PIEZO2: variants seen among roughly 807,000 people sequenced by gnomAD.
The protein encoded by PIEZO2 is piezo type mechanosensitive ion channel component 2.
A neutral mutation model predicts 337.3 loss-of-function variants in PIEZO2; 172 were observed. That is an observed-to-expected ratio of 0.51 (90% confidence interval 0.45 to 0.58). The LOEUF is 0.58. Ranked by LOEUF, PIEZO2 falls within the 20% of genes least tolerant of loss-of-function variation. The probability of loss-of-function intolerance (pLI) is 0.00; values close to 1 mark genes in which losing one functional copy is unlikely to be tolerated. For missense variants in PIEZO2, 3,028 were observed against 3,391.3 expected, an observed-to-expected ratio of 0.89 and a Z score of 2.66; for synonymous variants, 1,251 against 1,228.5, an observed-to-expected ratio of 1.02 and a Z score of -0.38.
chr18:10,918,453 A>G (rs1022629699), intron 3 of PIEZO2, among the ~76,000 whole-genome samples: 1 of 152,012 alleles, frequency 6.6e-6, no homozygotes, highest in African/African-American at 2.4e-5. Flanking sequence ...TTTTTATCCC[A>G]TGTATCCTTT....
At position 11,069,313 on chromosome 18, in the gene PIEZO2, T is replaced by G. The variant is rs906137962; in HGVS notation, c.65-3091A>C. Among the ~76,000 whole-genome samples the G allele has an allele frequency of 6.6e-6, 1 of 152,142 alleles. No homozygotes were observed. The highest frequency in any genetic ancestry group is 1.5e-5 in the Non-Finnish European group (1 of 68,024). ...AAGCAAACCCCACTCGGCAATGCAT[T>G]AAAAGCCTCCTTCATCATGATCAAG... On this transcript the variant is annotated intron_variant, in intron 1 of 55. Transcript: ENST00000674853. This position sits in a 1 kb window ranked among gnomAD's most constrained non-coding sequence, Gnocchi z 4.9.
chr18:11,029,921 C>T (rs149138897), intron 2 of PIEZO2, among the ~76,000 whole-genome samples: 118 of 152,286 alleles, frequency 7.7e-4, no homozygotes, highest in East Asian at 2.3e-3. Flanking sequence ...TTATCTTCTG[C>T]GTTCCCCACT....
At chr18:10,680,632 T>C (rs1402729669) in intron 51 of PIEZO2, among the ~76,000 whole-genome samples, 2 of 152,134 alleles carry the variant, frequency 1.3e-5, no homozygotes, top group African/African-American at 4.8e-5. Context: ...AGTTAAACAA[T>C]AAAGGAAAAA....
At chr18:10,787,564 C>A (rs1319553894) in intron 15 of PIEZO2, among the ~76,000 whole-genome samples, 1 of 152,160 alleles carries the variant, frequency 6.6e-6, no homozygotes, top group Non-Finnish European at 1.5e-5. Flanking sequence ...TCAGAGAAAA[C>A]CACATCCATT....
Position 11,086,074 on chromosome 18 carries a change from A to T in PIEZO2, c.65-19852T>A, listed in dbSNP as rs140585072. On this transcript the variant is annotated intron_variant, in intron 1 of 55. Coordinates refer to ENST00000674853, the MANE Select transcript of PIEZO2 (RefSeq NM_001378183.1). Reference sequence around the variant, plus strand: ...AATTGAATTGACATGACTTACAAAAAATTATATTTATAATGGCATACAAAG... The same window carrying T: ...AATTGAATTGACATGACTTACAAAATATTATATTTATAATGGCATACAAAG... Among the ~76,000 whole-genome samples the T allele has an allele frequency of 3.4e-3, 512 of 152,320 alleles. 2 individuals carry two copies. Among genetic ancestry groups the T allele is most frequent in the Middle Eastern group, 0.017 (5 of 294 alleles).
Position 10,726,986 on chromosome 18 carries a change from T to G in PIEZO2, c.5029+4421A>C. The G allele has an allele frequency of 8.8e-7, 1 of 1,130,772 alleles. No homozygotes were observed. The highest frequency in any genetic ancestry group is 1.3e-6 in the Non-Finnish European group (1 of 798,938). 70.0% of individuals were successfully genotyped at this position (1,130,772 alleles called of 1,614,324 possible). ...AGAGGCCCTGGACAGAAGCTCCAGATAGGCCCCCAGAACATGAAGCTGTTT... is the reference window on the plus strand; with the variant it reads ...AGAGGCCCTGGACAGAAGCTCCAGAGAGGCCCCCAGAACATGAAGCTGTTT... On this transcript the variant is annotated intron_variant, in intron 36 of 55. Coordinates refer to ENST00000674853, the MANE Select transcript of PIEZO2 (RefSeq NM_001378183.1). The surrounding 1 kb of genome is among the most constrained non-coding windows in gnomAD (Gnocchi z 5.9).
At chr18:11,006,878 T>A (rs745326220) in intron 2 of PIEZO2, among the ~76,000 whole-genome samples, 4 of 152,158 alleles carry the variant, frequency 2.6e-5, no homozygotes, top group Admixed American at 6.5e-5. Flanking sequence ...ACCTATATAT[T>A]TTTTATTTTT....
chr18:11,058,783 G>A (rs1221158385), intron 2 of PIEZO2, among the ~76,000 whole-genome samples: 3 of 151,826 alleles, frequency 2.0e-5, no homozygotes, highest in Non-Finnish European at 2.9e-5. Flanking sequence ...TGTCTGATTG[G>A]TGTACCTGAA....
chr18:11,003,378 T>C lies in PIEZO2; in HGVS notation c.161-23718A>G, dbSNP rs569454518. Among the ~76,000 whole-genome samples, 24 of 152,162 alleles carry C rather than the reference T, an allele frequency of 1.6e-4. No homozygotes were observed. Among genetic ancestry groups the C allele is most frequent in the Non-Finnish European group, 3.4e-4 (23 of 68,030 alleles). On this transcript the variant is annotated intron_variant, in intron 2 of 55. Coordinates refer to ENST00000674853, the MANE Select transcript of PIEZO2 (RefSeq NM_001378183.1). This position sits in a 1 kb window ranked among gnomAD's most constrained non-coding sequence, Gnocchi z 4.6. ...GCAAAACGATGTATAGCAAAAACAA[T>C]TAAACCATAGTCGAGTTGATCTAAA... is the stretch of plus-strand genomic sequence containing the variant.
intron 23 of PIEZO2, 97 bp from the exon 24 acceptor site, chr18:10,761,208 T>C: frequency 9.0e-6 from 10 of 1,108,156 alleles, no homozygotes; most frequent in Non-Finnish European, 1.3e-5. Flanking sequence ...AGGACAATGT[T>C]TTATAAAAGC....
intron 2 of PIEZO2, among the ~76,000 whole-genome samples, chr18:11,024,929 G>A (rs1431512975): frequency 6.6e-6 from 1 of 151,192 alleles, no homozygotes; most frequent in African/African-American, 2.4e-5. Context: ...ATGAGCCACC[G>A]TGCCCAGCGA....
chr18:10,704,785 A>C (rs2035501460), intron 41 of PIEZO2, 133 bp from the exon 42 acceptor site: 2 of 1,087,840 alleles, frequency 1.8e-6, no homozygotes, highest in East Asian at 5.3e-5. Flanking sequence ...CCCGAACTCA[A>C]GCCATTCTCC....
chr18:10,832,561 C>T (rs1324180319), intron 7 of PIEZO2, among the ~76,000 whole-genome samples: 1 of 152,146 alleles, frequency 6.6e-6, no homozygotes, highest in African/African-American at 2.4e-5. Context: ...ACCCAATTGG[C>T]CCTGTGGAGA....
intron 15 of PIEZO2, among the ~76,000 whole-genome samples, chr18:10,787,675 C>T (rs909886686): frequency 1.3e-5 from 2 of 152,174 alleles, no homozygotes; most frequent in African/African-American, 4.8e-5. Flanking sequence ...TAGAGAACAT[C>T]CATCCTGAAT....
intron 27 of PIEZO2, among the ~76,000 whole-genome samples, chr18:10,756,084 G>C (rs1365377906): frequency 6.7e-6 from 1 of 149,826 alleles, no homozygotes; most frequent in Non-Finnish European, 1.5e-5. Context: ...ATAAAGGATG[G>C]AGGATGAAGA....
At chr18:10,832,522 G>T (rs917751525) in intron 7 of PIEZO2, among the ~76,000 whole-genome samples, 13 of 152,222 alleles carry the variant, frequency 8.5e-5, no homozygotes, top group African/African-American at 2.9e-4. Flanking sequence ...ACAGCGCCTA[G>T]TAAGTAGCTG....
At chr18:10,688,348 A>G (rs542009752) in intron 49 of PIEZO2, among the ~76,000 whole-genome samples, 1 of 152,228 alleles carries the variant, frequency 6.6e-6, no homozygotes, top group Non-Finnish European at 1.5e-5. Context: ...CTTCTTTTTT[A>G]TGGCTGCATA....
rs796224344 is a variant in PIEZO2 at position 11,127,261 on chromosome 18, G to A, written c.64+21264C>T. Among the ~76,000 whole-genome samples, 43 of 152,320 alleles carry A rather than the reference G, an allele frequency of 2.8e-4. No individual in the cohort carries two copies. The highest frequency in any genetic ancestry group is 9.6e-4 in the African/African-American group (40 of 41,570). ...GATATAGGAGGAAACGCTCATCAGA[G>A]CACACAGCCACTGCAAAGAACTTAA... On this transcript the variant is annotated intron_variant, in intron 1 of 55. Coordinates refer to ENST00000674853, the MANE Select transcript of PIEZO2 (RefSeq NM_001378183.1). This position sits in a 1 kb window ranked among gnomAD's most constrained non-coding sequence, Gnocchi z 4.5.
intron 4 of PIEZO2, among the ~76,000 whole-genome samples, chr18:10,874,872 A>T (rs2042230267): frequency 6.6e-6 from 1 of 152,146 alleles, no homozygotes; most frequent in Admixed American, 6.6e-5. Flanking sequence ...AGAGTTATAT[A>T]AAAGGAATAA....
Sources: gnomAD v4.1 joint callset for allele counts (sites outside exome capture counted in the v4.1 genomes callset) on GRCh38, gnomAD v4.1.1 for gene constraint, Gnocchi (gnomAD v3.1) non-coding constraint, MANE v1.5 for transcripts, NCBI Gene and HGNC (gene_info 2026-07-23, HGNC 2026-07-21) for gene names.